KIF26B: variants seen among roughly 807,000 people sequenced by gnomAD.
KIF26B encodes kinesin family member 26B.
KIF26B carries 63 observed loss-of-function variants against 151.2 expected under a neutral mutation model. The ratio of observed to expected loss-of-function variants is 0.42; its 90% CI spans 0.34 to 0.51. The LOEUF (loss-of-function observed/expected upper bound fraction) is 0.51, where lower values mean the gene tolerates loss of function less well. Ranked by LOEUF, KIF26B falls within the 20% of genes least tolerant of loss-of-function variation. The probability of loss-of-function intolerance (pLI) is 0.07; values close to 1 mark genes in which losing one functional copy is unlikely to be tolerated. For missense variants in KIF26B, 2,813 were observed against 2,913.6 expected (o/e 0.97, Z 0.79); for synonymous variants, 1,357 against 1,262.1 (o/e 1.08, Z -1.59).
Position 245,318,296 on chromosome 1 carries a change from C to A in KIF26B, c.466-48538C>A, listed in dbSNP as rs12564431. On this transcript the variant is annotated intron_variant, in intron 2 of 14. Transcript: ENST00000407071. The surrounding 1 kb of genome is among the most constrained non-coding windows in gnomAD (Gnocchi z 4.0). ...CATTGCTTGGGGGGTAAAGGCAATA[C>A]AAGGAATGACTGGCAAATACAGGTG... 6.6e-6 allele frequency among the ~76,000 whole-genome samples: 1 copy of A among 151,980 alleles called. No homozygotes were observed. Among genetic ancestry groups the A allele is most frequent in the Non-Finnish European group, 1.5e-5 (1 of 68,008 alleles).
intron 4 of KIF26B, among the ~76,000 whole-genome samples, chr1:245,422,116 C>T (rs1658502679): frequency 6.6e-6 from 1 of 152,190 alleles, no homozygotes; most frequent in Admixed American, 6.5e-5. Context: ...GAAAGGATCC[C>T]TAAGGCTCCC....
chr1:245,277,482 A>G (rs965268093), intron 2 of KIF26B, among the ~76,000 whole-genome samples: 1 of 152,172 alleles, frequency 6.6e-6, no homozygotes, highest in Non-Finnish European at 1.5e-5. Context: ...TGCCCCCTGC[A>G]GGTGCCCTGT....
intron 4 of KIF26B, among the ~76,000 whole-genome samples, chr1:245,435,903 C>T (rs867155405): frequency 6.6e-6 from 1 of 152,214 alleles, no homozygotes; most frequent in African/African-American, 2.4e-5. Context: ...GTTGGCCGGA[C>T]CCAGTGGCTC....
chr1:245,367,095 A>C lies in KIF26B; in HGVS notation c.727A>C (p.Arg243=). 2 of 1,598,546 alleles carry C rather than the reference A, an allele frequency of 1.3e-6. No individual in the cohort carries two copies. Among genetic ancestry groups the C allele is most frequent in the Non-Finnish European group, 1.7e-6 (2 of 1,172,704 alleles). Reference sequence around the variant, plus strand: ...GCACGTGGGTGGGCTCCAGCAGCCCAGAGACTGGGCCTTTGTGCCCGCCCC... The same window carrying C: ...GCACGTGGGTGGGCTCCAGCAGCCCCGAGACTGGGCCTTTGTGCCCGCCCC... ...SRHVGGLQQP[R]DWAFVPAPCA... is the part of the protein sequence containing the mutation. Residue 243 remains arginine (R), a synonymous_variant, in exon 3 of 15, where the codon AGA becomes CGA. Transcript: ENST00000407071. This position sits in a 1 kb window ranked among gnomAD's most constrained non-coding sequence, Gnocchi z 4.2.
intron 4 of KIF26B, among the ~76,000 whole-genome samples, chr1:245,500,467 TCTATATAACC>T (rs1359445845): frequency 6.6e-6 from 1 of 152,232 alleles, no homozygotes; most frequent in African/African-American, 2.4e-5. Context: ...AATCCATAAC[TCTATATAACC>T]CAAACAATAG....
At chr1:245,309,623 A>G (rs71636540) in intron 2 of KIF26B, among the ~76,000 whole-genome samples, 7,757 of 150,540 alleles carry the variant, frequency 0.052, 271 homozygotes, top group Middle Eastern at 0.094. Context: ...TGATAAATCA[A>G]TAAATACCTC....
At chr1:245,565,274 G>GT (rs1299627433) in intron 5 of KIF26B, among the ~76,000 whole-genome samples, 17 of 149,680 alleles carry the variant, frequency 1.1e-4, no homozygotes, top group East Asian at 3.9e-4. Context: ...GTATTCTGTT[G>GT]TTTTTTTTGG....
At chr1:245,323,749 C>G (rs1331417297) in intron 2 of KIF26B, among the ~76,000 whole-genome samples, 1 of 152,266 alleles carries the variant, frequency 6.6e-6, no homozygotes, top group Non-Finnish European at 1.5e-5. Flanking sequence ...TATTTATTCG[C>G]TTATTCACTC....
chr1:245,394,857 A>T (rs1473556514), intron 3 of KIF26B, among the ~76,000 whole-genome samples: 1 of 151,694 alleles, frequency 6.6e-6, no homozygotes, highest in East Asian at 2.0e-4. Context: ...CGCCTGGCTA[A>T]TTTTTTGTAT....
At chr1:245,283,258 C>T (rs769364293) in intron 2 of KIF26B, among the ~76,000 whole-genome samples, 19 of 151,374 alleles carry the variant, frequency 1.3e-4, no homozygotes, top group Admixed American at 4.0e-4. Flanking sequence ...GCCCACCCAC[C>T]GCGAGCCCAA....
intron 9 of KIF26B, 95 bp from the exon 10 acceptor site, chr1:245,646,026 C>A: frequency 7.5e-7 from 1 of 1,341,664 alleles, no homozygotes; most frequent in Non-Finnish European, 1.0e-6. Context: ...TTCCCCTTCT[C>A]ATTTTGCCTC....
At chr1:245,464,617 T>TG (rs985359812) in intron 4 of KIF26B, among the ~76,000 whole-genome samples, 5 of 146,798 alleles carry the variant, frequency 3.4e-5, no homozygotes, top group African/African-American at 1.3e-4. Context: ...TGTGGGTGTG[T>TG]GGGTGTGTGC....
At chr1:245,268,851 T>C (rs1316550038) in intron 2 of KIF26B, among the ~76,000 whole-genome samples, 2 of 152,218 alleles carry the variant, frequency 1.3e-5, no homozygotes. Context: ...CACAGGACTT[T>C]CAGTGCTAAA....
intron 2 of KIF26B, among the ~76,000 whole-genome samples, chr1:245,331,038 T>C (rs1672098886): frequency 6.6e-6 from 1 of 151,862 alleles, no homozygotes; most frequent in Non-Finnish European, 1.5e-5. Flanking sequence ...GAAACCATGA[T>C]CCTGAGACGC....
intron 4 of KIF26B, among the ~76,000 whole-genome samples, chr1:245,442,414 G>A (rs1184623686): frequency 5.3e-5 from 8 of 152,102 alleles, no homozygotes; most frequent in Admixed American, 3.9e-4. Context: ...GTTTTAGGTC[G>A]GGGTCCCCAG....
chr1:245,473,737 C>T (rs6428923), intron 4 of KIF26B, among the ~76,000 whole-genome samples: 11,974 of 151,952 alleles, frequency 0.079, 731 homozygotes, highest in East Asian at 0.22. Flanking sequence ...AATTTTATCA[C>T]AGTGAATTTC....
chr1:245,188,985 C>T (rs761276229), intron 2 of KIF26B, among the ~76,000 whole-genome samples: 3 of 152,140 alleles, frequency 2.0e-5, no homozygotes, highest in East Asian at 1.9e-4. Flanking sequence ...TTTGCTTACA[C>T]GAGGTACATA....
chr1:245,282,964 A>G (rs1312692761), intron 2 of KIF26B: 14 of 310,988 alleles, frequency 4.5e-5, no homozygotes, highest in Non-Finnish European at 9.2e-5. Flanking sequence ...CCGAAGGCAG[A>G]TTTTGGTAGA....
At chr1:245,649,988 G>C (rs2043997326) in intron 10 of KIF26B, among the ~76,000 whole-genome samples, 1 of 152,196 alleles carries the variant, frequency 6.6e-6, no homozygotes, top group African/African-American at 2.4e-5. Context: ...CGTGGAGCAG[G>C]TTTCCAACCT....
Sources: gnomAD v4.1 joint callset for allele counts (sites outside exome capture counted in the v4.1 genomes callset) on GRCh38, gnomAD v4.1.1 for gene constraint, Gnocchi (gnomAD v3.1) non-coding constraint, MANE v1.5 for transcripts, NCBI Gene and HGNC (gene_info 2026-07-23, HGNC 2026-07-21) for gene names.